The following SLFN14 variants were observed in gnomAD, a reference collection of about 807,000 sequenced individuals.
SLFN14 encodes the protein schlafen family member 14.
Under a neutral mutation model 58.6 loss-of-function variants are expected in SLFN14, and 47 were observed. The ratio of observed to expected loss-of-function variants is 0.80; its 90% CI spans 0.64 to 1.02. The LOEUF is 1.02. Among genes scored for constraint, SLFN14 ranks in the 50% least tolerant of loss-of-function variants. The pLI is 0.00. For missense variants in SLFN14, 967 were observed against 1,078.4 expected (o/e 0.90, Z 1.45); for synonymous variants, 390 against 387.3 (o/e 1.01, Z -0.08).
In SLFN14 at chr17:35,558,091, T is replaced by C; in HGVS notation, c.-29A>G. On this transcript the variant is annotated 5_prime_UTR_variant, in exon 3 of 6. Transcript: ENST00000674182. ...AGCAGCCCCTCTGTGCTCCAAACAA[T>C]AAAAGAAAGGAGTTCCTATAATCAG... The C allele has an allele frequency of 1.3e-6, 2 of 1,520,584 alleles. No homozygotes were observed. The highest frequency in any genetic ancestry group is 4.2e-5 in the Admixed American group (2 of 47,606). The allele number at this position is 1,520,584 out of a possible 1,614,324, so 94.2% of individuals were successfully genotyped here.
Position 35,557,768 on chromosome 17 carries a change from T to G in SLFN14, c.295A>C (p.Met99Leu). 2 of 1,551,748 alleles carry G rather than the reference T, an allele frequency of 1.3e-6. No homozygotes were observed. The highest frequency in any genetic ancestry group is 1.7e-6 in the Non-Finnish European group (2 of 1,146,998). Residue 99 changes from methionine (M) to leucine (L), a missense_variant, in exon 3 of 6, where the codon ATG becomes CTG. Physicochemically the swap from Met to Leu is conservative, Grantham distance 15. Coordinates refer to ENST00000674182, the MANE Select transcript of SLFN14 (RefSeq NM_001129820.2). The part of the protein sequence containing the change: ...PSGSQKYLDY[M>L]QQGHNLLIFV... ...ATCAGGAGATTGTGCCCCTGCTGCA[T>G]GTAGTCAAGGTATTTCTGTGAACCT...
rs773940313 is a variant in SLFN14, at chr17:35,557,573, C to T, written c.490G>A (p.Val164Met). The change falls in exon 3 of 6, where the codon GTG becomes ATG. Residue 164 changes from valine to methionine, a missense_variant. Val to Met is a conservative substitution (Grantham distance 21). Transcript: ENST00000674182. ...ACCTGCTGAGGATGCAACTTCTTCA[C>T]CCTTGGTCTTCCTCTTTGGGCTCTA... ...GFRAQRGRPR[V>M]KKLHPQQVLN... 1 of 1,551,562 alleles carries T rather than the reference C, an allele frequency of 6.4e-7. No individual in the cohort carries two copies. Among genetic ancestry groups the T allele is most frequent in the Non-Finnish European group, 8.7e-7 (1 of 1,146,996 alleles).
rs1048671828 is a variant in SLFN14, at chr17:35,548,618, G to T, written c.2360C>A (p.Thr787Asn). The part of the protein sequence containing the change: ...QALPGVCETK[T>N]NLTTEQIANY... Reference sequence around the variant, plus strand: ...AGCTATTTGTTCTGTTGTCAGATTAGTCTTTGTCTCACACACCCCAGGCAG... The same window carrying T: ...AGCTATTTGTTCTGTTGTCAGATTATTCTTTGTCTCACACACCCCAGGCAG... Residue 787 changes from threonine to asparagine, a missense_variant, in exon 6 of 6, where the codon ACT becomes AAT. By Grantham distance (65) the Thr-to-Asn change is moderately conservative. Coordinates refer to ENST00000674182, the MANE Select transcript of SLFN14 (RefSeq NM_001129820.2). 3 of 1,551,652 alleles carry T rather than the reference G, an allele frequency of 1.9e-6. No homozygotes were observed. The highest frequency in any genetic ancestry group is 2.7e-5 in the African/African-American group (2 of 73,060).
chr17:35,549,433 T>G (rs1315101863), intron 5 of SLFN14, among the ~76,000 whole-genome samples: 2 of 152,246 alleles, frequency 1.3e-5, no homozygotes, highest in Non-Finnish European at 2.9e-5. Context: ...TTACTACCAT[T>G]TCTTTACTTT....
rs564352461 is a variant in SLFN14 at position 35,548,559 on chromosome 17, G to T, written c.2419C>A (p.Gln807Lys). 3.9e-6 allele frequency: 6 copies of T among 1,551,714 alleles called. No individual in the cohort carries two copies. In the Admixed American group the frequency reaches 5.9e-5, roughly 15 times the overall value. The change falls in exon 6 of 6, where the codon CAG becomes AAG. Residue 807 changes from glutamine to lysine, a missense_variant. By Grantham distance (53) the Gln-to-Lys change is moderately conservative. Transcript: ENST00000674182. ...ATATCTTTGGGCAGATAGCCACACTGGAACAGGCTGTGACATTTTCTTGCC... is the reference window on the plus strand; with the variant it reads ...ATATCTTTGGGCAGATAGCCACACTTGAACAGGCTGTGACATTTTCTTGCC... ...YVARKCHSLF[Q>K]CGYLPKDIAI...
chr17:35,548,563 C>G lies in SLFN14; in HGVS notation c.2415G>C (p.Leu805=), dbSNP rs1236994664. ...ANYVARKCHS[L]FQCGYLPKDI... The stretch of plus-strand genomic sequence containing the variant: ...CTTTGGGCAGATAGCCACACTGGAA[C>G]AGGCTGTGACATTTTCTTGCCACAT... The change falls in exon 6 of 6, where the codon CTG becomes CTC. Residue 805 remains leucine (L), a synonymous_variant. Coordinates refer to ENST00000674182, the MANE Select transcript of SLFN14 (RefSeq NM_001129820.2). 2 of 1,551,640 alleles carry G rather than the reference C, an allele frequency of 1.3e-6. No individual in the cohort carries two copies. Among genetic ancestry groups the G allele is most frequent in the Non-Finnish European group, 1.7e-6 (2 of 1,147,006 alleles).
chr17:35,549,141 T>C (rs1324042287), intron 5 of SLFN14, 68 bp from the exon 6 acceptor site: 3 of 1,240,374 alleles, frequency 2.4e-6, no homozygotes, highest in Non-Finnish European at 3.4e-6. Context: ...CATTACTCTC[T>C]GGAATGGAAT....
At chr17:35,554,784 T>A in intron 3 of SLFN14, 80 bp from the exon 4 acceptor site, 1 of 1,249,888 alleles carries the variant, frequency 8.0e-7, no homozygotes, top group Non-Finnish European at 1.0e-6. Context: ...TTTTTTTGGC[T>A]CTTCTTACTG....
rs1187674559 is a variant in SLFN14, at chr17:35,557,387, C to T, written c.676G>A (p.Glu226Lys). 6.4e-7 allele frequency: 1 copy of T among 1,551,660 alleles called. No homozygotes were observed. The highest frequency in any genetic ancestry group is 8.7e-7 in the Non-Finnish European group (1 of 1,146,986). Reference sequence around the variant, plus strand: ...GCAGAAACATAATGAGGCAGCATTTCCTTAATCCGAGGTATGACTTTTTTG... The same window carrying T: ...GCAGAAACATAATGAGGCAGCATTTTCTTAATCCGAGGTATGACTTTTTTG... ...TTKKVIPRIKEMLPHYVSAFA... is the reference protein window; with the variant it reads ...TTKKVIPRIKKMLPHYVSAFA... Residue 226 changes from glutamate to lysine, a missense_variant, in exon 3 of 6, where the codon GAA becomes AAA. Glu to Lys is a moderately conservative substitution (Grantham distance 56, BLOSUM62 1). Transcript: ENST00000674182.
At position 35,547,721 on chromosome 17, in the gene SLFN14, T is replaced by C. The variant is rs2072544939; in HGVS notation, c.*518A>G. Among the ~76,000 whole-genome samples, 2 of 152,164 alleles carry C rather than the reference T, an allele frequency of 1.3e-5. No individual in the cohort carries two copies. The highest frequency in any genetic ancestry group is 1.5e-5 in the Non-Finnish European group (1 of 68,046). ...GTCAATTGGCTACTTTTGAGACCTA[T>C]GCAGTCAAAGTAACCAGCCTGGAGG... is the stretch of plus-strand genomic sequence containing the variant. On this transcript the variant is annotated 3_prime_UTR_variant, in exon 6 of 6. Transcript: ENST00000674182.
At position 35,548,986 on chromosome 17, in the gene SLFN14, A is replaced by C. The variant is rs1410499658; in HGVS notation, c.1992T>G (p.Thr664=). Residue 664 remains threonine (T), a synonymous_variant, in exon 6 of 6, where the codon ACT becomes ACG. Transcript: ENST00000674182. ...LKIKHIVMDE[T]ENFCSKYGNW... ...TGCCATATTTGCTGCAGAAATTCTC[A>C]GTCTCATCCATCACTATGTGTTTAA... is the stretch of plus-strand genomic sequence containing the variant. 1.3e-6 allele frequency: 2 copies of C among 1,551,712 alleles called. No individual in the cohort carries two copies. The highest frequency in any genetic ancestry group is 2.0e-5 in the Admixed American group (1 of 51,006).
In SLFN14 at chr17:35,557,734, T is replaced by C. The variant is rs946321946; in HGVS notation, c.329A>G (p.Lys110Arg). Reference sequence around the variant, plus strand: ...GCTGAAAACATCTGGGCTCCATGACTTCACAAAAATCAGGAGATTGTGCCC... The same window carrying C: ...GCTGAAAACATCTGGGCTCCATGACCTCACAAAAATCAGGAGATTGTGCCC... ...QQGHNLLIFV[K>R]SWSPDVFSLP... The change falls in exon 3 of 6, where the codon AAG becomes AGG. Residue 110 changes from lysine (K) to arginine (R), a missense_variant. Physicochemically the swap from Lys to Arg is conservative, Grantham distance 26. Transcript: ENST00000674182. 4.5e-6 allele frequency: 7 copies of C among 1,551,606 alleles called. No individual in the cohort carries two copies. The East Asian group carries it at 1.2e-4, about 27-fold the overall frequency.
Position 35,557,844 on chromosome 17 carries a change from G to A in SLFN14, c.219C>T (p.Cys73=), listed in dbSNP as rs1388512458. 12 of 1,551,596 alleles carry A rather than the reference G, an allele frequency of 7.7e-6. No individual in the cohort carries two copies. Among genetic ancestry groups the A allele is most frequent in the Non-Finnish European group, 9.6e-6 (11 of 1,146,994 alleles). Residue 73 remains cysteine (C), a synonymous_variant, in exon 3 of 6, where the codon TGC becomes TGT. Transcript: ENST00000674182. ...TTTCCAAATCCTGTCCCAGCCCATG[G>A]CATTGGTAACTATAGGTTTTATCAT... ...EIDDKTYSYQ[C]HGLGQDLETS...
rs1487264796 is a variant in SLFN14 at position 35,545,939 on chromosome 17, T to A, written c.*2300A>T. Among the ~76,000 whole-genome samples, 1 of 152,218 alleles carries A rather than the reference T, an allele frequency of 6.6e-6. No homozygotes were observed. Among genetic ancestry groups the A allele is most frequent in the Non-Finnish European group, 1.5e-5 (1 of 68,046 alleles). On this transcript the variant is annotated 3_prime_UTR_variant, in exon 6 of 6. Transcript: ENST00000674182. Reference sequence around the variant, plus strand: ...TATAATGAGCATCCAGGGTTGAGAATCACTGAGTTAGTTATTCTACTTTCA... The same window carrying A: ...TATAATGAGCATCCAGGGTTGAGAAACACTGAGTTAGTTATTCTACTTTCA...
In SLFN14 at chr17:35,553,067, C is replaced by T. The variant is rs2072611976; in HGVS notation, c.1567G>A (p.Gly523Ser). ...CTGGGGTAACGCAGGGGGATCTCAC[C>T]AGGTCTACTCTGTGTGCTGCTCAGG... ...IHLSSTQSRP[G>S]EIPLRYPRSY... The change falls in exon 5 of 6, where the codon GGT becomes AGT. Residue 523 changes from glycine (G) to serine (S), a missense_variant. By Grantham distance (56) the Gly-to-Ser change is moderately conservative. Coordinates refer to ENST00000674182, the MANE Select transcript of SLFN14 (RefSeq NM_001129820.2). 3 of 1,551,630 alleles carry T rather than the reference C, an allele frequency of 1.9e-6. No homozygotes were observed. The highest frequency in any genetic ancestry group is 2.6e-6 in the Non-Finnish European group (3 of 1,146,988).
At chr17:35,559,678 T>C (rs2072683525) in intron 2 of SLFN14, among the ~76,000 whole-genome samples, 49 bp downstream of exon 2, 1 of 152,212 alleles carries the variant, frequency 6.6e-6, no homozygotes, top group African/African-American at 2.4e-5. Context: ...CCCATCTTTC[T>C]GTGTGATCTT....
chr17:35,547,565 T>C lies in SLFN14; in HGVS notation c.*674A>G, dbSNP rs2072543867. Among the ~76,000 whole-genome samples the C allele has an allele frequency of 6.6e-6, 1 of 152,230 alleles. No homozygotes were observed. The highest frequency in any genetic ancestry group is 1.5e-5 in the Non-Finnish European group (1 of 68,036). ...ATAAATTAACAGAGTAACATTTTGATGTATGCATTGGTCCTTTGTGAGCTT... is the reference window on the plus strand; with the variant it reads ...ATAAATTAACAGAGTAACATTTTGACGTATGCATTGGTCCTTTGTGAGCTT... On this transcript the variant is annotated 3_prime_UTR_variant, in exon 6 of 6. Coordinates refer to ENST00000674182, the MANE Select transcript of SLFN14 (RefSeq NM_001129820.2).
At chr17:35,558,943 G>C (rs933814591) in intron 2 of SLFN14, among the ~76,000 whole-genome samples, 1 of 152,114 alleles carries the variant, frequency 6.6e-6, no homozygotes, top group Non-Finnish European at 1.5e-5. Flanking sequence ...GGGTGTGGTA[G>C]CTCACATGTG....
chr17:35,553,071 T>C lies in SLFN14; in HGVS notation c.1563A>G (p.Arg521=). The C allele has an allele frequency of 6.4e-7, 1 of 1,551,610 alleles. No homozygotes were observed. The highest frequency in any genetic ancestry group is 8.7e-7 in the Non-Finnish European group (1 of 1,146,978). ...GGTAACGCAGGGGGATCTCACCAGGTCTACTCTGTGTGCTGCTCAGGTGTA... is the reference window on the plus strand; with the variant it reads ...GGTAACGCAGGGGGATCTCACCAGGCCTACTCTGTGTGCTGCTCAGGTGTA... ...RLIHLSSTQS[R]PGEIPLRYPR... The change falls in exon 5 of 6, where the codon AGA becomes AGG. Residue 521 remains arginine, a synonymous_variant. Transcript: ENST00000674182.
Sources: gnomAD v4.1 joint callset for allele counts (sites outside exome capture counted in the v4.1 genomes callset) on GRCh38, gnomAD v4.1.1 for gene constraint, MANE v1.5 for transcripts, NCBI Gene and HGNC (gene_info 2026-07-23, HGNC 2026-07-21) for gene names.